Variants in AMTN observed in about 807,000 individuals in gnomAD.
AMTN encodes RSTI689.
In AMTN, 29 loss-of-function variants were observed where a neutral mutation model predicts 27.4. The ratio of observed to expected loss-of-function variants is 1.06; its 90% CI spans 0.79 to 1.44. AMTN has a LOEUF of 1.44. Among genes scored for constraint, AMTN ranks in the 40% most tolerant of loss-of-function variants. The pLI is 0.00. For missense variants in AMTN, 247 were observed against 248.8 expected (o/e 0.99, Z 0.05); for synonymous variants, 86 against 95.7 (o/e 0.90, Z 0.59).
At position 70,518,773 on chromosome 4, in the gene AMTN, G is replaced by A; in HGVS notation, c.-5G>A. The A allele has an allele frequency of 1.9e-6, 3 of 1,597,604 alleles. No individual in the cohort carries two copies. The highest frequency in any genetic ancestry group is 2.6e-6 in the Non-Finnish European group (3 of 1,167,452). The stretch of plus-strand genomic sequence containing the variant: ...TTTTTGTTGTTGTAGGTAGCAATCT[G>A]AAACATGAGGAGTACGATTCTACTG... On this transcript the variant is annotated 5_prime_UTR_variant, in exon 2 of 9. Transcript: ENST00000339336.
intron 4 of AMTN, 111 bp from the exon 5 acceptor site, chr4:70,524,761 C>T (rs1293488531): frequency 5.1e-6 from 5 of 981,290 alleles, no homozygotes; most frequent in Admixed American, 2.0e-5. Flanking sequence ...TATGTATTTA[C>T]ATAGCAACTC....
At chr4:70,523,393 G>T (rs1459437147) in intron 3 of AMTN, among the ~76,000 whole-genome samples, 2 of 152,062 alleles carry the variant, frequency 1.3e-5, no homozygotes, top group African/African-American at 4.8e-5. Flanking sequence ...CTCTTCCTCT[G>T]CTGTGAAGGG....
chr4:70,520,524 G>C (rs1306112693), intron 2 of AMTN, among the ~76,000 whole-genome samples: 3 of 152,100 alleles, frequency 2.0e-5, no homozygotes, highest in Non-Finnish European at 4.4e-5. Context: ...GAAAGTGAAG[G>C]CTCTAGAAGA....
chr4:70,521,676 T>G (rs1283396456), intron 2 of AMTN, among the ~76,000 whole-genome samples: 11 of 83,740 alleles, frequency 1.3e-4, no homozygotes, highest in Non-Finnish European at 9.7e-5. Flanking sequence ...TTTTTTTTTT[T>G]GTGAGACAGA....
intron 5 of AMTN, 63 bp downstream of exon 5, chr4:70,525,024 T>C: frequency 6.7e-7 from 1 of 1,481,740 alleles, no homozygotes; most frequent in Admixed American, 2.0e-5. Flanking sequence ...GGTGAAAGCC[T>C]ACAGTAGAAA....
At chr4:70,524,999 G>A (rs1736070775) in intron 5 of AMTN, 38 bp downstream of exon 5, 1 of 1,581,020 alleles carries the variant, frequency 6.3e-7, no homozygotes, top group Non-Finnish European at 8.7e-7. Flanking sequence ...TAACATTAGA[G>A]AGCATTTTCT....
chr4:70,531,394 G>A, intron 8 of AMTN, 94 bp downstream of exon 8: 1 of 1,504,192 alleles, frequency 6.6e-7, no homozygotes, highest in Non-Finnish European at 9.0e-7. Flanking sequence ...GACAAATGCA[G>A]ATCTTAGTAA....
chr4:70,530,539 A>C (rs905629191), intron 7 of AMTN, among the ~76,000 whole-genome samples: 1 of 152,226 alleles, frequency 6.6e-6, no homozygotes, highest in Admixed American at 6.5e-5. Flanking sequence ...GTCCTGCTCC[A>C]GACCTGCTCG....
Position 70,522,472 on chromosome 4 carries a change from G to A in AMTN, c.55-283G>A, listed in dbSNP as rs192442933. Among the ~76,000 whole-genome samples, 151 of 152,160 alleles carry A rather than the reference G, an allele frequency of 9.9e-4. No individual in the cohort carries two copies. In the Middle Eastern group the frequency reaches 0.01, roughly 10 times the overall value. On this transcript the variant is annotated intron_variant, in intron 2 of 8. Coordinates refer to ENST00000339336, the MANE Select transcript of AMTN (RefSeq NM_212557.4). ...CATGTCCTGGCAAAAGAGAAAGAAA[G>A]GTACAGAAAAGAAATGGGAGCCAGG...
rs73826536 is a variant in AMTN at position 70,522,989 on chromosome 4, G to T, written c.138+151G>T. The stretch of plus-strand genomic sequence containing the variant: ...AGACTGAACAAGAGAGAGGCTTTTC[G>T]TTTGGGAGTGGGGAAAAGAACCGAT... On this transcript the variant is annotated intron_variant, in intron 3 of 8. Coordinates refer to ENST00000339336, the MANE Select transcript of AMTN (RefSeq NM_212557.4). 1.1e-4 allele frequency: 70 copies of T among 636,434 alleles called. No individual in the cohort carries two copies. In the African/African-American group the frequency reaches 1.2e-3, roughly 11 times the overall value. 39.4% of individuals were successfully genotyped at this position (636,434 alleles called of 1,614,324 possible).
chr4:70,520,543 T>G (rs189769148), intron 2 of AMTN, among the ~76,000 whole-genome samples: 9 of 152,332 alleles, frequency 5.9e-5, no homozygotes, highest in African/African-American at 2.2e-4. Context: ...GAAAACAAGA[T>G]TTTATTCCTT....
intron 5 of AMTN, among the ~76,000 whole-genome samples, chr4:70,525,648 C>T (rs1473982924): frequency 6.6e-6 from 1 of 152,192 alleles, no homozygotes; most frequent in Non-Finnish European, 1.5e-5. Context: ...GTAATCCCAG[C>T]ACTTTGGAAG....
At chr4:70,529,151 T>C (rs987819223) in intron 6 of AMTN, 33 bp from the exon 7 acceptor site, 1 of 1,520,328 alleles carries the variant, frequency 6.6e-7, no homozygotes. Flanking sequence ...TTAAAATGTG[T>C]CTAACAAATT....
intron 4 of AMTN, among the ~76,000 whole-genome samples, 187 bp from the exon 5 acceptor site, chr4:70,524,685 G>A (rs866878758): frequency 2.8e-4 from 43 of 152,242 alleles, no homozygotes; most frequent in Middle Eastern, 3.4e-3. Context: ...CCTTGTAGTC[G>A]TACAAGCAGA....
At chr4:70,522,867 C>A in intron 3 of AMTN, 29 bp downstream of exon 3, 1 of 1,598,532 alleles carries the variant, frequency 6.3e-7, no homozygotes, top group Non-Finnish European at 8.6e-7. Context: ...GGAACATGTA[C>A]AAACCGGTAA....
At chr4:70,531,710 C>T (rs990349196) in intron 8 of AMTN, among the ~76,000 whole-genome samples, 2 of 152,192 alleles carry the variant, frequency 1.3e-5, no homozygotes, top group African/African-American at 4.8e-5. Flanking sequence ...CAGAGTTCAA[C>T]CATGTTGACC....
chr4:70,521,934 C>G (rs949434852), intron 2 of AMTN, among the ~76,000 whole-genome samples: 2 of 152,054 alleles, frequency 1.3e-5, no homozygotes, highest in Non-Finnish European at 2.9e-5. Flanking sequence ...CCAACCTCTC[C>G]TCATAACTAA....
chr4:70,522,060 A>G (rs1204564775), intron 2 of AMTN, among the ~76,000 whole-genome samples: 1 of 152,196 alleles, frequency 6.6e-6, no homozygotes, highest in Non-Finnish European at 1.5e-5. Context: ...TCCAGGAGCA[A>G]AAGCAGATTT....
intron 6 of AMTN, 135 bp from the exon 7 acceptor site, chr4:70,529,049 G>A (rs1393244000): frequency 8.8e-6 from 7 of 799,312 alleles, no homozygotes; most frequent in Non-Finnish European, 1.3e-5. Context: ...TCATAAGGCA[G>A]TTTAACATAT....
Sources: gnomAD v4.1 joint callset for allele counts (sites outside exome capture counted in the v4.1 genomes callset) on GRCh38, gnomAD v4.1.1 for gene constraint, MANE v1.5 for transcripts, NCBI Gene and HGNC (gene_info 2026-07-23, HGNC 2026-07-21) for gene names.